The following ST7 variants were observed in gnomAD, a reference collection of about 807,000 sequenced individuals.
ST7 encodes suppressor of tumorigenicity 7 protein.
A neutral mutation model predicts 78.7 loss-of-function variants in ST7; 28 were observed. That is an observed-to-expected ratio of 0.36 (90% confidence interval 0.26 to 0.49). The LOEUF is 0.49. Among genes scored for constraint, ST7 ranks in the 20% least tolerant of loss-of-function variants. ST7 has a pLI of 0.99. For missense variants in ST7, 418 were observed against 696.0 expected (o/e 0.60, Z 4.49); for synonymous variants, 247 against 249.6 (o/e 0.99, Z 0.10).
At chr7:117,017,402 A>T (rs1795665746) in intron 1 of ST7, among the ~76,000 whole-genome samples, 1 of 152,190 alleles carries the variant, frequency 6.6e-6, no homozygotes, top group African/African-American at 2.4e-5. Context: ...GACTGACTTT[A>T]AGATTTTCGC....
At chr7:117,142,972 A>G (rs1805453226) in intron 9 of ST7, among the ~76,000 whole-genome samples, 1 of 152,054 alleles carries the variant, frequency 6.6e-6, no homozygotes, top group Non-Finnish European at 1.5e-5. Flanking sequence ...TGTGGGTGTA[A>G]GCCTCTGAAG....
chr7:117,113,336 C>T (rs1802585919), intron 2 of ST7, among the ~76,000 whole-genome samples: 1 of 152,144 alleles, frequency 6.6e-6, no homozygotes, highest in Non-Finnish European at 1.5e-5. Flanking sequence ...AGGTGGATAG[C>T]AGCAGGGTGT....
chr7:117,221,660 C>T (rs1259913836), intron 14 of ST7, among the ~76,000 whole-genome samples: 1 of 152,194 alleles, frequency 6.6e-6, no homozygotes, highest in Non-Finnish European at 1.5e-5. Flanking sequence ...CCTCTTCCCT[C>T]CCATGAAGGC....
chr7:117,160,652 T>C (rs180781276), intron 9 of ST7, among the ~76,000 whole-genome samples: 1 of 146,770 alleles, frequency 6.8e-6, no homozygotes, highest in Non-Finnish European at 1.5e-5. Context: ...TGTGTGTGTG[T>C]GTATATATAT....
In ST7 at chr7:117,070,622, G is replaced by A. The variant is rs1257866475; in HGVS notation, c.152-29140G>A. Reference sequence around the variant, plus strand: ...GTGGCGCGATCTCGGCTCACTGCAAGCTCCGCCTCTCGGGTTCACGCCATT... The same window carrying A: ...GTGGCGCGATCTCGGCTCACTGCAAACTCCGCCTCTCGGGTTCACGCCATT... On this transcript the variant is annotated intron_variant, in intron 1 of 15. Coordinates refer to ENST00000323984, the MANE Select transcript of ST7 (RefSeq NM_001369598.1). 2.0e-5 allele frequency among the ~76,000 whole-genome samples: 3 copies of A among 151,984 alleles called. No homozygotes were observed. In the East Asian group the frequency reaches 5.9e-4, roughly 30 times the overall value.
At chr7:117,216,361 G>A (rs889138196) in intron 13 of ST7, among the ~76,000 whole-genome samples, 1 of 152,028 alleles carries the variant, frequency 6.6e-6, no homozygotes, top group African/African-American at 2.4e-5. Flanking sequence ...TTTTTGTTTT[G>A]TTTTTAACCC....
At chr7:117,174,881 A>G (rs1300388556) in intron 10 of ST7, among the ~76,000 whole-genome samples, 1 of 152,222 alleles carries the variant, frequency 6.6e-6, no homozygotes, top group Non-Finnish European at 1.5e-5. Flanking sequence ...ATTCAAATCC[A>G]GATCCAGCTG....
intron 2 of ST7, among the ~76,000 whole-genome samples, chr7:117,116,850 T>C (rs150633597): frequency 1.7e-3 from 260 of 152,338 alleles, no homozygotes; most frequent in Non-Finnish European, 3.1e-3. Flanking sequence ...AAAGCAAATG[T>C]CCAGTTAATA....
intron 1 of ST7, among the ~76,000 whole-genome samples, chr7:117,070,123 G>C (rs1798849431): frequency 6.6e-6 from 1 of 152,136 alleles, no homozygotes; most frequent in African/African-American, 2.4e-5. Context: ...TCCTTTCTTT[G>C]AAATGGACCT....
chr7:117,019,522 G>T (rs904392942), intron 1 of ST7, among the ~76,000 whole-genome samples: 1 of 152,196 alleles, frequency 6.6e-6, no homozygotes, highest in Non-Finnish European at 1.5e-5. Flanking sequence ...TGACTGAGTT[G>T]CTCTGGAAAA....
At chr7:117,101,418 C>T (rs1801560252) in intron 2 of ST7, among the ~76,000 whole-genome samples, 1 of 152,288 alleles carries the variant, frequency 6.6e-6, no homozygotes, top group Admixed American at 6.5e-5. Context: ...ATGAGACTCT[C>T]ACTAAGGGCA....
intron 12 of ST7, among the ~76,000 whole-genome samples, chr7:117,192,169 T>C (rs1432950556): frequency 6.6e-6 from 1 of 152,242 alleles, no homozygotes; most frequent in Non-Finnish European, 1.5e-5. Flanking sequence ...AAGATAAAAA[T>C]GTTTATTCCA....
chr7:117,152,220 T>A (rs1414996545), intron 9 of ST7, among the ~76,000 whole-genome samples: 7 of 125,876 alleles, frequency 5.6e-5, no homozygotes, highest in African/African-American at 2.1e-4. Context: ...TATATATATA[T>A]ATACCATGAA....
chr7:117,226,775 G>A (rs754711762), intron 15 of ST7, among the ~76,000 whole-genome samples: 3 of 152,116 alleles, frequency 2.0e-5, no homozygotes, highest in Admixed American at 6.5e-5. Flanking sequence ...ACTGGGGCTC[G>A]TGGGAGAGTA....
intron 1 of ST7, chr7:117,020,735 T>C: frequency 6.7e-7 from 1 of 1,483,780 alleles, no homozygotes; most frequent in South Asian, 1.3e-5. Flanking sequence ...TAACAACCTT[T>C]GTATTTTGGC....
At chr7:117,189,950 G>A (rs146114334) in intron 11 of ST7, among the ~76,000 whole-genome samples, 1 of 152,332 alleles carries the variant, frequency 6.6e-6, no homozygotes, top group East Asian at 1.9e-4. Flanking sequence ...TCAGATGAAA[G>A]AGCATAGATG....
intron 1 of ST7, among the ~76,000 whole-genome samples, chr7:117,047,343 A>G (rs1797542460): frequency 6.6e-6 from 1 of 152,196 alleles, no homozygotes. Flanking sequence ...GTGTTTCTTC[A>G]GAACGACTTA....
At position 117,147,714 on chromosome 7, in the gene ST7, T is replaced by A. The variant is rs183800223; in HGVS notation, c.963+9182T>A. Among the ~76,000 whole-genome samples, 28 of 152,256 alleles carry A rather than the reference T, an allele frequency of 1.8e-4. No homozygotes were observed. The East Asian group carries it at 5.0e-3, about 27-fold the overall frequency. ...TTTTATTCTGTTTTTTCTTTCCATA[T>A]TTGTATTATTGTTTCTTCTCCTCCT... is the stretch of plus-strand genomic sequence containing the variant. On this transcript the variant is annotated intron_variant, in intron 9 of 15. Coordinates refer to ENST00000323984, the MANE Select transcript of ST7 (RefSeq NM_001369598.1).
chr7:117,165,859 A>G (rs1807513175), intron 9 of ST7, among the ~76,000 whole-genome samples: 1 of 152,188 alleles, frequency 6.6e-6, no homozygotes, highest in Admixed American at 6.5e-5. Context: ...ACATGAGTGA[A>G]CATGGCCTGT....
Sources: gnomAD v4.1 joint callset for allele counts (sites outside exome capture counted in the v4.1 genomes callset) on GRCh38, gnomAD v4.1.1 for gene constraint, MANE v1.5 for transcripts, NCBI Gene and HGNC (gene_info 2026-07-23, HGNC 2026-07-21) for gene names.